Variants in IL1RAP observed in about 807,000 individuals in gnomAD.
IL1RAP encodes the protein interleukin 1 receptor accessory protein.
In IL1RAP, 35 loss-of-function variants were observed where a neutral mutation model predicts 60.7. That is an observed-to-expected ratio of 0.58 (90% CI 0.44 to 0.76). The LOEUF (loss-of-function observed/expected upper bound fraction) is 0.76. IL1RAP is among the 30% of genes least tolerant of loss of function. The pLI is 0.00. For synonymous variants in IL1RAP, 268 were observed against 250.9 expected (o/e 1.07, Z -0.64); for missense variants, 572 against 693.9 (o/e 0.82, Z 1.97).
chr3:190,561,808 CTG>C (rs1021218589), intron 2 of IL1RAP, among the ~76,000 whole-genome samples: 4 of 152,170 alleles, frequency 2.6e-5, no homozygotes, highest in African/African-American at 9.7e-5. Flanking sequence ...CTGATCAAGT[CTG>C]TAGATGTCAC....
intron 5 of IL1RAP, 107 bp downstream of exon 5, chr3:190,609,288 T>C (rs1264539169): frequency 2.0e-5 from 15 of 736,164 alleles, no homozygotes; most frequent in Non-Finnish European, 3.2e-5. Flanking sequence ...TCAGATTATC[T>C]GATCTATTCC....
intron 5 of IL1RAP, among the ~76,000 whole-genome samples, chr3:190,619,746 TAAAAG>T (rs1292963783): frequency 6.8e-6 from 1 of 146,618 alleles, no homozygotes; most frequent in East Asian, 2.0e-4. Flanking sequence ...AAAAAAGTAA[TAAAAG>T]AAAAATGCAA....
At chr3:190,527,386 C>T (rs143730722) in intron 1 of IL1RAP, among the ~76,000 whole-genome samples, 33 of 152,302 alleles carry the variant, frequency 2.2e-4, no homozygotes, top group Middle Eastern at 3.4e-3. Context: ...CTTGCCTCTA[C>T]GTGTGTTTTG....
rs1205539516 is a variant in IL1RAP at position 190,604,154 on chromosome 3, AC to A, written c.93del (p.Met32Ter). The A allele has an allele frequency of 6.2e-7, 1 of 1,613,946 alleles. No individual in the cohort carries two copies. Among genetic ancestry groups the A allele is most frequent in the Non-Finnish European group, 8.5e-7 (1 of 1,179,934 alleles). On this transcript the variant is annotated frameshift_variant, in exon 4 of 12. Coordinates refer to ENST00000447382, the MANE Select transcript of IL1RAP (RefSeq NM_002182.4). LOFTEE classifies it high-confidence loss of function. Reference sequence around the variant, plus strand: ...ACGCTGCGATGACTGGGGACTAGACACCATGAGGCAAATCCAAGTGTTTGAA... The same window carrying A: ...ACGCTGCGATGACTGGGGACTAGACACATGAGGCAAATCCAAGTGTTTGAA... ...SERCDDWGLD[T>X]MRQIQVFEDE...
chr3:190,526,313 TA>T (rs780987382), intron 1 of IL1RAP, among the ~76,000 whole-genome samples: 1 of 152,208 alleles, frequency 6.6e-6, no homozygotes, highest in Non-Finnish European at 1.5e-5. Context: ...GTAGTGTCAA[TA>T]TTGGAAATTG....
rs1721294576 is a variant in IL1RAP, at chr3:190,514,215, G to GAA, written c.-91_-90dup. 1 of 152,292 alleles carries GAA rather than the reference G, an allele frequency of 6.6e-6. No homozygotes were observed. Among genetic ancestry groups the GAA allele is most frequent in the African/African-American group, 2.4e-5 (1 of 41,468 alleles). 9.4% of individuals were successfully genotyped at this position (152,292 alleles called of 1,614,324 possible). On this transcript the variant is annotated 5_prime_UTR_variant, in exon 1 of 12. Transcript: ENST00000447382. ...TTGCTGCGCCCTCTCAGCTTCCCAA[G>GAA]AAAGGTGAGTCTCGCGCCGCCGTGA...
At chr3:190,653,522 G>A (rs964404693), downstream of IL1RAP, among the ~76,000 whole-genome samples, 1 of 151,998 alleles carries the variant, frequency 6.6e-6, no homozygotes, top group Non-Finnish European at 1.5e-5. Context: ...GAAAGAGACA[G>A]AGGTTTGCTG....
chr3:190,623,258 GT>G, intron 6 of IL1RAP, 85 bp from the exon 7 acceptor site: 2 of 986,288 alleles, frequency 2.0e-6, no homozygotes, highest in Non-Finnish European at 3.2e-6. Flanking sequence ...ATGCCAGGAA[GT>G]TAGGCAAGAT....
At chr3:190,577,886 T>C (rs1310110340) in intron 3 of IL1RAP, among the ~76,000 whole-genome samples, 1 of 152,156 alleles carries the variant, frequency 6.6e-6, no homozygotes, top group Non-Finnish European at 1.5e-5. Context: ...AAAAGTGGAA[T>C]TATGTTTGGG....
intron 3 of IL1RAP, among the ~76,000 whole-genome samples, chr3:190,567,779 G>T (rs1297455835): frequency 6.6e-6 from 1 of 152,138 alleles, no homozygotes; most frequent in Non-Finnish European, 1.5e-5. Flanking sequence ...TTTTCTTCAG[G>T]AGGAAAATGA....
intron 9 of IL1RAP, among the ~76,000 whole-genome samples, chr3:190,638,204 C>CT (rs35913716): frequency 1.6e-4 from 24 of 151,240 alleles, no homozygotes; most frequent in South Asian, 4.2e-4. Flanking sequence ...ACTGTTAGAC[C>CT]TTTTTTTTTC....
exon 12 of IL1RAP, chr3:190,658,121 C>T (rs1340910512): frequency 6.7e-6 from 1 of 150,328 alleles, no homozygotes; most frequent in Non-Finnish European, 1.5e-5. Flanking sequence ...AATTGAGCCC[C>T]AATGTTGCCA....
intron 6 of IL1RAP, 86 bp downstream of exon 6, chr3:190,620,526 AAATTGT>A: frequency 8.5e-7 from 1 of 1,169,762 alleles, no homozygotes; most frequent in Non-Finnish European, 1.2e-6. Flanking sequence ...ACTAGTATGT[AAATTGT>A]ATAAGAAAAG....
chr3:190,620,198 T>G (rs1731654138), intron 5 of IL1RAP, 77 bp from the exon 6 acceptor site: 1 of 727,096 alleles, frequency 1.4e-6, no homozygotes, highest in Admixed American at 3.1e-5. Context: ...CAAAATTAGA[T>G]GTGAGTGTGC....
At chr3:190,630,042 A>G (rs1306417836) in intron 9 of IL1RAP, 3 of 803,440 alleles carry the variant, frequency 3.7e-6, no homozygotes, top group East Asian at 1.3e-4. Context: ...ATCCAATTGT[A>G]TGCAACTAAT....
intron 3 of IL1RAP, among the ~76,000 whole-genome samples, chr3:190,573,526 G>A (rs148651775): frequency 1.3e-5 from 2 of 152,294 alleles, no homozygotes; most frequent in African/African-American, 4.8e-5. Flanking sequence ...CCCGCTGCAT[G>A]CAGTATTCTT....
chr3:190,656,597 A>G (rs1212143478), exon 12 of IL1RAP: 9 of 1,513,072 alleles, frequency 5.9e-6, no homozygotes, highest in Admixed American at 2.0e-5. Flanking sequence ...AACGACTTTT[A>G]TATCCTATAA....
At chr3:190,609,219 G>T (rs765559898) in intron 5 of IL1RAP, 38 bp downstream of exon 5, 37 of 1,398,440 alleles carry the variant, frequency 2.6e-5, no homozygotes, top group Non-Finnish European at 3.5e-5. Flanking sequence ...CTCTCTAATG[G>T]CTTATAAAAT....
chr3:190,654,534 C>T (rs908026686), downstream of IL1RAP, among the ~76,000 whole-genome samples: 3 of 152,156 alleles, frequency 2.0e-5, no homozygotes, highest in African/African-American at 4.8e-5. Context: ...TTAAACCAAT[C>T]AAAAGTTCTC....
Sources: allele counts gnomAD v4.1 joint callset (sites outside exome capture counted in the v4.1 genomes callset), GRCh38; gene constraint gnomAD v4.1.1; transcripts MANE v1.5; gene names NCBI Gene and HGNC (gene_info 2026-07-23, HGNC 2026-07-21).